Variants in BBS1 observed in about 807,000 individuals in gnomAD.
The protein encoded by BBS1 is Bardet-Biedl syndrome 1, also known as BBSome complex member BBS1.
Under a neutral mutation model 73.9 loss-of-function variants are expected in BBS1, and 60 were observed. The ratio of observed to expected loss-of-function variants is 0.81; its 90% CI spans 0.66 to 1.01. The LOEUF (loss-of-function observed/expected upper bound fraction) is 1.01. Ranked by LOEUF, BBS1 falls within the 50% of genes least tolerant of loss-of-function variation. The probability of loss-of-function intolerance (pLI) is 0.00; values close to 1 mark genes in which losing one functional copy is unlikely to be tolerated. For synonymous variants in BBS1, 283 were observed against 317.4 expected (o/e 0.89, Z 1.15); for missense variants, 718 against 770.3 (o/e 0.93, Z 0.80).
intron 15 of BBS1, among the ~76,000 whole-genome samples, 196 bp downstream of exon 15, chr11:66,531,224 T>C (rs575824988): frequency 3.3e-5 from 5 of 152,300 alleles, no homozygotes; most frequent in Admixed American, 1.3e-4. Context: ...GCCCTGCCTC[T>C]GCTGCTTTTC....
chr11:66,519,758 A>AGAC lies in BBS1; in HGVS notation c.723+11_723+12insACG. ...CACCATTTTAGCCAAGGTCAGCGTC[A>AGAC]GGTCTGGCCCTGGGCCCGCTGGAGG... On this transcript the variant is annotated intron_variant, in intron 8 of 16. Coordinates refer to ENST00000318312, the MANE Select transcript of BBS1 (RefSeq NM_024649.5). 1 of 1,612,706 alleles carries AGAC rather than the reference A, an allele frequency of 6.2e-7. No homozygotes were observed. The highest frequency in any genetic ancestry group is 8.5e-7 in the Non-Finnish European group (1 of 1,179,844).
chr11:66,520,997 G>C, intron 8 of BBS1: 1 of 470,444 alleles, frequency 2.1e-6, no homozygotes, highest in Middle Eastern at 4.5e-4. Context: ...GGGATTACAG[G>C]TGTGGGCCAC....
intron 16 of BBS1, 44 bp from the exon 17 acceptor site, chr11:66,531,907 G>T: frequency 6.4e-7 from 1 of 1,570,272 alleles, no homozygotes; most frequent in Non-Finnish European, 8.6e-7. Context: ...CAGGCAAGGG[G>T]TCAGGGGTGT....
intron 3 of BBS1, among the ~76,000 whole-genome samples, chr11:66,512,903 C>T (rs1461943307): frequency 6.6e-6 from 1 of 151,480 alleles, no homozygotes; most frequent in African/African-American, 2.4e-5. Context: ...AACCAGAAGG[C>T]GGAGGTTGCA....
At chr11:66,531,259 G>A (rs972753774) in intron 15 of BBS1, among the ~76,000 whole-genome samples, 3 of 152,148 alleles carry the variant, frequency 2.0e-5, no homozygotes, top group Non-Finnish European at 4.4e-5. Context: ...GGGTCTCCAC[G>A]AGCCATACAG....
intron 14 of BBS1, 86 bp downstream of exon 14, chr11:66,530,038 C>T: frequency 6.5e-7 from 1 of 1,529,122 alleles, no homozygotes; most frequent in East Asian, 2.4e-5. Flanking sequence ...AGCTAAGCCC[C>T]AGAGCCAATT....
At chr11:66,513,721 C>T (rs957875865) in intron 3 of BBS1, among the ~76,000 whole-genome samples, 1 of 152,184 alleles carries the variant, frequency 6.6e-6, no homozygotes, top group Non-Finnish European at 1.5e-5. Context: ...TGAAACGATG[C>T]ATGCAGTTTC....
Position 66,530,984 on chromosome 11 carries a change from C to T in BBS1, c.1564C>T (p.Leu522=). The change falls in exon 15 of 17, where the codon CTG becomes TTG. Residue 522 remains leucine (L), a synonymous_variant. Coordinates refer to ENST00000318312, the MANE Select transcript of BBS1 (RefSeq NM_024649.5). ...RPVLGLLVCF[L]YNEALYSLPR... is the part of the protein sequence containing the mutation. ...TGTCCTGGGGCTGCTGGTCTGCTTC[C>T]TGTACAACGAGGCGCTCTATTCCCT... 1 of 1,614,222 alleles carries T rather than the reference C, an allele frequency of 6.2e-7. No individual in the cohort carries two copies.
intron 9 of BBS1, 151 bp from the exon 10 acceptor site, chr11:66,523,305 A>G: frequency 9.5e-7 from 1 of 1,055,230 alleles, no homozygotes; most frequent in South Asian, 1.3e-5. Context: ...CACATTTACT[A>G]AGGTGGCAGA....
At chr11:66,512,020 G>GTGTATATATA (rs1329157159) in intron 3 of BBS1, among the ~76,000 whole-genome samples, 13 of 143,278 alleles carry the variant, frequency 9.1e-5, no homozygotes, top group South Asian at 2.1e-4. Flanking sequence ...ATATATATAT[G>GTGTATATATA]TGTATATATA....
At chr11:66,516,030 C>A in intron 7 of BBS1, 97 bp downstream of exon 7, 1 of 1,209,894 alleles carries the variant, frequency 8.3e-7, no homozygotes, top group Non-Finnish European at 1.2e-6. Flanking sequence ...GCAAACCCAA[C>A]CAGTATCTCT....
rs1856841669 is a variant in BBS1, at chr11:66,532,884, C to T, written c.*847C>T. The T allele has an allele frequency of 6.6e-6, 1 of 152,500 alleles. No homozygotes were observed. Among genetic ancestry groups the T allele is most frequent in the Non-Finnish European group, 1.5e-5 (1 of 68,164 alleles). 9.4% of individuals were successfully genotyped at this position (152,500 alleles called of 1,614,324 possible). On this transcript the variant is annotated 3_prime_UTR_variant, in exon 17 of 17. Transcript: ENST00000318312. ...GCGTTTCTGGGGCTCCAGAGAAGTGCCACGGGAGGCAGAAGTCCAGAACTG... is the reference window on the plus strand; with the variant it reads ...GCGTTTCTGGGGCTCCAGAGAAGTGTCACGGGAGGCAGAAGTCCAGAACTG...
chr11:66,510,896 G>T, intron 1 of BBS1, 117 bp from the exon 2 acceptor site: 1 of 1,406,574 alleles, frequency 7.1e-7, no homozygotes, highest in South Asian at 1.2e-5. Flanking sequence ...GCGGAGCCTG[G>T]ACTTGTACCC....
At chr11:66,516,697 C>A (rs1328113458) in intron 7 of BBS1, among the ~76,000 whole-genome samples, 1 of 151,976 alleles carries the variant, frequency 6.6e-6, no homozygotes, top group African/African-American at 2.4e-5. Context: ...ACTACAAGTG[C>A]ATGCCACCAT....
At chr11:66,510,892 C>G (rs1319353441) in intron 1 of BBS1, 121 bp from the exon 2 acceptor site, 52 of 1,395,586 alleles carry the variant, frequency 3.7e-5, no homozygotes, top group Non-Finnish European at 5.2e-5. Flanking sequence ...AGTGGCGGAG[C>G]CTGGACTTGT....
chr11:66,531,850 A>G (rs1396780592), intron 16 of BBS1, 101 bp from the exon 17 acceptor site: 1 of 1,602,668 alleles, frequency 6.2e-7, no homozygotes, highest in Non-Finnish European at 8.5e-7. Flanking sequence ...GGGTGGGGGT[A>G]TCTGCACAGT....
At chr11:66,518,492 G>A (rs1484347138) in intron 7 of BBS1, among the ~76,000 whole-genome samples, 1 of 149,148 alleles carries the variant, frequency 6.7e-6, no homozygotes, top group Non-Finnish European at 1.5e-5. Flanking sequence ...TTGAGATGGA[G>A]TCTTGCTCTG....
At chr11:66,528,141 A>C (rs11608107) in intron 13 of BBS1, among the ~76,000 whole-genome samples, 2,305 of 152,252 alleles carry the variant, frequency 0.015, 19 homozygotes, top group Non-Finnish European at 0.023. Context: ...ACTTGAACCT[A>C]GGAGGCAAAG....
intron 14 of BBS1, among the ~76,000 whole-genome samples, chr11:66,530,646 G>A (rs1280904997): frequency 6.6e-6 from 1 of 152,134 alleles, no homozygotes; most frequent in Non-Finnish European, 1.5e-5. Context: ...AGGGGCTCAG[G>A]TGAGAGTCGG....
Sources: allele counts gnomAD v4.1 joint callset (sites outside exome capture counted in the v4.1 genomes callset), GRCh38; gene constraint gnomAD v4.1.1; transcripts MANE v1.5; gene names NCBI Gene and HGNC (gene_info 2026-07-23, HGNC 2026-07-21).